Variants in INTS3 observed in about 807,000 individuals in gnomAD.
INTS3 encodes SOSS complex subunit A.
A neutral mutation model predicts 146.3 loss-of-function variants in INTS3; 34 were observed. That is an observed-to-expected ratio of 0.23 (90% CI 0.18 to 0.31). The LOEUF is 0.31. INTS3 is among the 10% of genes least tolerant of loss of function. The pLI, the probability that INTS3 is intolerant of heterozygous loss-of-function variation, is 1.00. For missense variants in INTS3, 757 were observed against 1,304.2 expected (o/e 0.58, Z 6.46); for synonymous variants, 475 against 494.9 (o/e 0.96, Z 0.53).
chr1:153,752,859 G>C (rs985917066), intron 8 of INTS3, among the ~76,000 whole-genome samples: 5 of 152,134 alleles, frequency 3.3e-5, no homozygotes, highest in African/African-American at 1.2e-4. Flanking sequence ...CAAGGATCCA[G>C]CTTGGGCAAA....
rs963039427 is a variant in INTS3, at chr1:153,728,546, C to G, written c.-89C>G. ...CCCCTCCCCAACTTGTTCCTCTTGC[C>G]CCCCAGTCCCTGGCAATCCAGAGAT... On this transcript the variant is annotated 5_prime_UTR_variant, in exon 1 of 30. Transcript: ENST00000318967. The G allele has an allele frequency of 2.0e-6, 3 of 1,464,624 alleles. No individual in the cohort carries two copies. The highest frequency in any genetic ancestry group is 1.8e-6 in the Non-Finnish European group (2 of 1,100,054). The allele number at this position is 1,464,624 out of a possible 1,614,324, so 90.7% of individuals were successfully genotyped here.
intron 15 of INTS3, 52 bp downstream of exon 15, chr1:153,762,899 C>T: frequency 1.2e-6 from 2 of 1,604,600 alleles, no homozygotes; most frequent in Non-Finnish European, 1.7e-6. Flanking sequence ...CTGAGAGGAC[C>T]AGTTCCCAGA....
intron 8 of INTS3, among the ~76,000 whole-genome samples, chr1:153,752,954 A>G (rs1481302043): frequency 1.3e-5 from 2 of 151,738 alleles, no homozygotes; most frequent in Non-Finnish European, 1.5e-5. Flanking sequence ...GGGTCCTGCT[A>G]TGTTCTGAAC....
rs573091178 is a variant in INTS3, at chr1:153,769,419, G to C, written c.2314-350G>C. 1.4e-4 allele frequency among the ~76,000 whole-genome samples: 21 copies of C among 152,248 alleles called. 1 individual carries two copies. The South Asian group carries it at 4.4e-3, about 32-fold the overall frequency. On this transcript the variant is annotated intron_variant, in intron 22 of 29. Transcript: ENST00000318967. Reference sequence around the variant, plus strand: ...CCACTTAGTTCTCATTCATAAAAGAGGAAGCTTAGCACCCAAGAATCCTCC... The same window carrying C: ...CCACTTAGTTCTCATTCATAAAAGACGAAGCTTAGCACCCAAGAATCCTCC...
intron 1 of INTS3, 30 bp downstream of exon 1, chr1:153,728,814 GAA>G: frequency 7.6e-7 from 1 of 1,309,044 alleles, no homozygotes; most frequent in Middle Eastern, 2.7e-4. Context: ...AGGGAGTTAA[GAA>G]ATTGGGTTTT....
intron 14 of INTS3, 111 bp from the exon 15 acceptor site, chr1:153,762,617 T>C: frequency 3.8e-6 from 5 of 1,328,184 alleles, no homozygotes; most frequent in Non-Finnish European, 5.2e-6. Context: ...TCCATTTAGA[T>C]GATAAACTCC....
intron 17 of INTS3, 53 bp downstream of exon 17, chr1:153,763,939 A>C: frequency 1.9e-6 from 3 of 1,539,856 alleles, no homozygotes. Context: ...TGCTTAGCTT[A>C]CACGTCTCCC....
At chr1:153,771,760 G>A in intron 25 of INTS3, 36 bp from the exon 26 acceptor site, 1 of 1,592,674 alleles carries the variant, frequency 6.3e-7, no homozygotes, top group Non-Finnish European at 8.6e-7. Context: ...TGCGGCCACT[G>A]TGCAAGCAGC....
intron 10 of INTS3, among the ~76,000 whole-genome samples, chr1:153,758,506 A>G (rs1672246264): frequency 6.6e-6 from 1 of 152,184 alleles, no homozygotes; most frequent in Non-Finnish European, 1.5e-5. Flanking sequence ...GAACTGCTGG[A>G]TGTATCAAGA....
At position 153,757,891 on chromosome 1, in the gene INTS3, T is replaced by C; in HGVS notation, c.1149+128T>C. 1.5e-6 allele frequency: 1 copy of C among 657,198 alleles called. No individual in the cohort carries two copies. The highest frequency in any genetic ancestry group is 2.6e-6 in the Non-Finnish European group (1 of 381,840). The allele number at this position is 657,198 out of a possible 1,614,324, so 40.7% of individuals were successfully genotyped here. On this transcript the variant is annotated intron_variant, in intron 10 of 29. Coordinates refer to ENST00000318967, the MANE Select transcript of INTS3 (RefSeq NM_023015.5). The surrounding 1 kb of genome is among the most constrained non-coding windows in gnomAD (Gnocchi z 4.0). ...CTTCTTTCACTCTGGTCTTCCAGAG[T>C]GTCTCAGCCTTCACTTCCCTTTGTG... is the stretch of plus-strand genomic sequence containing the variant.
intron 11 of INTS3, chr1:153,760,010 A>C: frequency 2.0e-6 from 1 of 509,376 alleles, no homozygotes; most frequent in Middle Eastern, 5.3e-4. Context: ...AATGGGGGGA[A>C]TAGACATAGC....
In INTS3 at chr1:153,742,220, G is replaced by A. The variant is rs553788054; in HGVS notation, c.318+852G>A. On this transcript the variant is annotated intron_variant, in intron 3 of 29. Transcript: ENST00000318967. ...GTGAGGGTGGGCAGTGAGGCAGCAAGTATTCACAAATTCTTGGTTTCCCAG... is the reference window on the plus strand; with the variant it reads ...GTGAGGGTGGGCAGTGAGGCAGCAAATATTCACAAATTCTTGGTTTCCCAG... Among the ~76,000 whole-genome samples, 6 of 152,334 alleles carry A rather than the reference G, an allele frequency of 3.9e-5. No homozygotes were observed. The South Asian group carries it at 1.2e-3, about 32-fold the overall frequency.
intron 2 of INTS3, 31 bp from the exon 3 acceptor site, chr1:153,741,254 A>G (rs1557991611): frequency 1.3e-6 from 2 of 1,533,868 alleles, no homozygotes; most frequent in Admixed American, 1.7e-5. Flanking sequence ...TGTGAGTGAC[A>G]ACTAGTTTGT....
In INTS3 at chr1:153,767,797, G is replaced by C; in HGVS notation, c.2214G>C (p.Leu738=). 1 of 1,542,782 alleles carries C rather than the reference G, an allele frequency of 6.5e-7. No homozygotes were observed. The highest frequency in any genetic ancestry group is 1.2e-5 in the South Asian group (1 of 83,768). Residue 738 remains leucine (L), a synonymous_variant, in exon 21 of 30, where the codon CTG becomes CTC. Coordinates refer to ENST00000318967, the MANE Select transcript of INTS3 (RefSeq NM_023015.5). ...KACQEDDVRL[L]CHLTPSIYTE... is the part of the protein sequence containing the mutation. ...GCCAGGAGGACGATGTGCGGCTCCTGTGCCACCTCACGCCCTCCATCTACA... is the reference window on the plus strand; with the variant it reads ...GCCAGGAGGACGATGTGCGGCTCCTCTGCCACCTCACGCCCTCCATCTACA...
At chr1:153,740,915 G>C (rs1267957615) in intron 2 of INTS3, among the ~76,000 whole-genome samples, 181 bp downstream of exon 2, 1 of 152,072 alleles carries the variant, frequency 6.6e-6, no homozygotes, top group South Asian at 2.1e-4. Context: ...TTGGAGCCTT[G>C]GGCATCTTTC....
At chr1:153,766,581 G>C (rs1249794146) in intron 20 of INTS3, 1 of 151,760 alleles carries the variant, frequency 6.6e-6, no homozygotes, top group Non-Finnish European at 1.5e-5. Context: ...TTATAGACGT[G>C]AGCCACCGGG....
At position 153,754,756 on chromosome 1, in the gene INTS3, C is replaced by G. The variant is rs913060201; in HGVS notation, c.957+17C>G. On this transcript the variant is annotated intron_variant, in intron 9 of 29. Coordinates refer to ENST00000318967, the MANE Select transcript of INTS3 (RefSeq NM_023015.5). ...ACATCCCGGGTAAGCTAAGGTGTTG[C>G]AGCAAGAGAAGAGGTCACACGCTGG... is the stretch of plus-strand genomic sequence containing the variant. 4 of 1,533,158 alleles carry G rather than the reference C, an allele frequency of 2.6e-6. No individual in the cohort carries two copies. The African/African-American group carries it at 4.1e-5, about 16-fold the overall frequency. The allele number at this position is 1,533,158 out of a possible 1,614,324, so 95.0% of individuals were successfully genotyped here.
Position 153,728,517 on chromosome 1 carries a change from C to T in INTS3, c.-118C>T. ...GGAGTGGAGAGGACAGGGGCCCTTG[C>T]TCTCCCCTCCCCAACTTGTTCCTCT... On this transcript the variant is annotated 5_prime_UTR_variant, in exon 1 of 30. Transcript: ENST00000318967. 7.8e-7 allele frequency: 1 copy of T among 1,281,208 alleles called. No individual in the cohort carries two copies. The highest frequency in any genetic ancestry group is 1.5e-5 in the South Asian group (1 of 67,758). 79.4% of individuals were successfully genotyped at this position (1,281,208 alleles called of 1,614,324 possible).
At chr1:153,740,845 A>C in intron 2 of INTS3, 111 bp downstream of exon 2, 2 of 847,044 alleles carry the variant, frequency 2.4e-6, no homozygotes, top group Non-Finnish European at 4.0e-6. Context: ...AAATTCATCA[A>C]GTCTTGGCTC....
Sources: gnomAD v4.1 joint callset for allele counts (sites outside exome capture counted in the v4.1 genomes callset) on GRCh38, gnomAD v4.1.1 for gene constraint, Gnocchi (gnomAD v3.1) non-coding constraint, MANE v1.5 for transcripts, NCBI Gene and HGNC (gene_info 2026-07-23, HGNC 2026-07-21) for gene names.